Variants in AKT3 observed in about 807,000 individuals in gnomAD.
The protein encoded by AKT3 is AKT serine/threonine kinase 3, also known as RAC-gamma serine/threonine-protein kinase.
Under a neutral mutation model 65.3 loss-of-function variants are expected in AKT3, and 15 were observed. The ratio of observed to expected loss-of-function variants is 0.23; its 90% CI spans 0.15 to 0.35. The LOEUF is 0.35. Ranked by LOEUF, AKT3 falls within the 10% of genes least tolerant of loss-of-function variation. AKT3 has a pLI of 1.00. For missense variants in AKT3, 243 were observed against 576.5 expected (o/e 0.42, Z 5.92); for synonymous variants, 206 against 183.8 (o/e 1.12, Z -0.98).
At chr1:243,518,173 T>C (rs1670484496) in intron 12 of AKT3, among the ~76,000 whole-genome samples, 1 of 152,256 alleles carries the variant, frequency 6.6e-6, no homozygotes, top group African/African-American at 2.4e-5. Flanking sequence ...CTTTTGATTG[T>C]TTCTCTATAC....
chr1:243,747,152 G>C (rs1273212267), intron 2 of AKT3, among the ~76,000 whole-genome samples: 1 of 152,136 alleles, frequency 6.6e-6, no homozygotes, highest in Admixed American at 6.5e-5. Context: ...TAGAGATAGA[G>C]AGTGTAGATG....
At chr1:243,512,854 G>C (rs564948349) in intron 12 of AKT3, among the ~76,000 whole-genome samples, 20 of 152,310 alleles carry the variant, frequency 1.3e-4, no homozygotes, top group African/African-American at 4.6e-4. Flanking sequence ...GCTATCACCA[G>C]GTTACAGATG....
At chr1:243,492,218 A>G (rs1666616454) in intron 13 of AKT3, among the ~76,000 whole-genome samples, 1 of 141,050 alleles carries the variant, frequency 7.1e-6, no homozygotes, top group Non-Finnish European at 1.5e-5. Context: ...GAGAACCCCC[A>G]TCCTCCCCGC....
rs1234742730 is a variant in AKT3, at chr1:243,677,711, G to GT, written c.173-12829dup. On this transcript the variant is annotated intron_variant, in intron 3 of 13. Coordinates refer to ENST00000673466, the MANE Select transcript of AKT3 (RefSeq NM_005465.7). ...CCCTTGGAGAAAAATAAAAAGGTAG[G>GT]TCTACTTATCCAGAGTAAAGCACTG... Among the ~76,000 whole-genome samples, 5 of 152,182 alleles carry GT rather than the reference G, an allele frequency of 3.3e-5. No homozygotes were observed. The East Asian group carries it at 5.8e-4, about 18-fold the overall frequency.
intron 6 of AKT3, among the ~76,000 whole-genome samples, chr1:243,622,352 A>C (rs971485760): frequency 6.6e-6 from 1 of 152,200 alleles, no homozygotes; most frequent in South Asian, 2.1e-4. Flanking sequence ...TAAGTCCCCA[A>C]AATCGCTACC....
chr1:243,494,545 G>A (rs1399126847), intron 13 of AKT3, among the ~76,000 whole-genome samples: 1 of 152,186 alleles, frequency 6.6e-6, no homozygotes, highest in Non-Finnish European at 1.5e-5. Flanking sequence ...ACAGCAGACA[G>A]TTAAACTTTT....
intron 2 of AKT3, among the ~76,000 whole-genome samples, chr1:243,752,009 T>C (rs1335740784): frequency 6.6e-6 from 1 of 152,176 alleles, no homozygotes; most frequent in Non-Finnish European, 1.5e-5. Context: ...GGTACTCTGA[T>C]TGGCTAGCCA....
intron 5 of AKT3, among the ~76,000 whole-genome samples, chr1:243,641,408 G>T (rs1308215208): frequency 6.7e-6 from 1 of 149,880 alleles, no homozygotes; most frequent in African/African-American, 2.5e-5. Context: ...TCATAACCAG[G>T]CCAGAGTGTC....
At chr1:243,605,071 C>T (rs1677295352) in intron 8 of AKT3, among the ~76,000 whole-genome samples, 1 of 152,188 alleles carries the variant, frequency 6.6e-6, no homozygotes, top group African/African-American at 2.4e-5. Flanking sequence ...GTTGCCCACG[C>T]TGGAGTGCAG....
intron 8 of AKT3, among the ~76,000 whole-genome samples, chr1:243,574,530 A>G (rs778917417): frequency 2.6e-5 from 4 of 152,196 alleles, no homozygotes; most frequent in Non-Finnish European, 5.9e-5. Flanking sequence ...ACTATAACAC[A>G]TGATCTATTC....
At chr1:243,779,130 T>A (rs751966073) in intron 2 of AKT3, among the ~76,000 whole-genome samples, 2 of 152,048 alleles carry the variant, frequency 1.3e-5, no homozygotes, top group Non-Finnish European at 2.9e-5. Context: ...GGGAGAAAAA[T>A]GTTAACAAAC....
chr1:243,773,091 G>A (rs1248042239), intron 2 of AKT3, among the ~76,000 whole-genome samples: 4 of 151,000 alleles, frequency 2.6e-5, no homozygotes, highest in East Asian at 2.0e-4. Context: ...AATGTAAATG[G>A]CGAGTTAATG....
chr1:243,787,097 G>A (rs1047656397), intron 2 of AKT3, among the ~76,000 whole-genome samples: 5 of 152,154 alleles, frequency 3.3e-5, no homozygotes, highest in Non-Finnish European at 5.9e-5. Flanking sequence ...AGTGGTTGGT[G>A]TGGAATAACT....
At chr1:243,772,564 C>T (rs371702650) in intron 2 of AKT3, among the ~76,000 whole-genome samples, 50 of 152,010 alleles carry the variant, frequency 3.3e-4, no homozygotes, top group South Asian at 8.3e-4. Flanking sequence ...TGTGGAGAAA[C>T]AGGAACACTT....
At chr1:243,685,401 G>C (rs576519957) in intron 3 of AKT3, among the ~76,000 whole-genome samples, 1 of 152,142 alleles carries the variant, frequency 6.6e-6, no homozygotes, top group Non-Finnish European at 1.5e-5. Context: ...CATATGGCTA[G>C]CCAGTTTTCC....
At chr1:243,746,951 T>G (rs1688506145) in intron 2 of AKT3, among the ~76,000 whole-genome samples, 1 of 152,074 alleles carries the variant, frequency 6.6e-6, no homozygotes, top group South Asian at 2.1e-4. Context: ...CATGCTGAGT[T>G]TAACAACAAT....
intron 10 of AKT3, among the ~76,000 whole-genome samples, chr1:243,558,589 C>G (rs1013783736): frequency 4.6e-5 from 7 of 151,990 alleles, no homozygotes; most frequent in Non-Finnish European, 8.8e-5. Context: ...ATTTTTTTCT[C>G]AATAGCAACC....
At chr1:243,795,475 GGTTTT>G (rs1691927286) in intron 2 of AKT3, among the ~76,000 whole-genome samples, 1 of 88,016 alleles carries the variant, frequency 1.1e-5, no homozygotes, top group Non-Finnish European at 1.9e-5. Flanking sequence ...TTTTTTTTTT[GGTTTT>G]TTTTTTTTTG....
chr1:243,795,472 T>C (rs1237952428), intron 2 of AKT3, among the ~76,000 whole-genome samples: 1 of 100,730 alleles, frequency 9.9e-6, no homozygotes, highest in South Asian at 3.2e-4. Flanking sequence ...GTTTTTTTTT[T>C]TTGGTTTTTT....
Sources: allele counts gnomAD v4.1 joint callset (sites outside exome capture counted in the v4.1 genomes callset), GRCh38; gene constraint gnomAD v4.1.1; transcripts MANE v1.5; gene names NCBI Gene and HGNC (gene_info 2026-07-23, HGNC 2026-07-21).